MUC5B: variants seen among roughly 807,000 people sequenced by gnomAD.
The protein encoded by MUC5B is mucin-5B.
Under a neutral mutation model 376.9 loss-of-function variants are expected in MUC5B, and 116 were observed. The ratio of observed to expected loss-of-function variants is 0.31; its 90% CI spans 0.26 to 0.36. The LOEUF is 0.36. MUC5B is among the 10% of genes least tolerant of loss of function. The probability of loss-of-function intolerance (pLI) is 1.00; values close to 1 mark genes in which losing one functional copy is unlikely to be tolerated. For synonymous variants in MUC5B, 3,517 were observed against 3,390.9 expected (o/e 1.04, Z -1.29); for missense variants, 7,165 against 7,769.9 (o/e 0.92, Z 2.93).
At position 1,233,151 on chromosome 11, in the gene MUC5B, C is replaced by T. The variant is rs1419813298; in HGVS notation, c.2204C>T (p.Pro735Leu). Reference sequence around the variant, plus strand: ...GTGCCTGTGGACGGCTGCACCTGCCCCGCGGGCACCTTCCTCAATGACGCG... The same window carrying T: ...GTGCCTGTGGACGGCTGCACCTGCCTCGCGGGCACCTTCCTCAATGACGCG... ...SFVPVDGCTC[P>L]AGTFLNDAGA... Residue 735 changes from proline (P) to leucine (L), a missense_variant, in exon 18 of 49, where the codon CCC (proline) becomes CTC (leucine). Pro to Leu is a moderately conservative substitution (Grantham distance 98). This residue lies in a region of MUC5B where 530 missense variants were observed against 604.0 expected (regional missense o/e 0.88). Coordinates refer to ENST00000529681, the MANE Select transcript of MUC5B (RefSeq NM_002458.3). 1 of 1,606,680 alleles carries T rather than the reference C, an allele frequency of 6.2e-7. No individual in the cohort carries two copies. The highest frequency in any genetic ancestry group is 8.5e-7 in the Non-Finnish European group (1 of 1,179,376).
rs1240514869 is a variant in MUC5B at position 1,242,589 on chromosome 11, G to A, written c.5709G>A (p.Thr1903=). The A allele has an allele frequency of 3.1e-6, 5 of 1,612,510 alleles. No individual in the cohort carries two copies. The highest frequency in any genetic ancestry group is 4.5e-5 in the East Asian group (2 of 44,768). ...CCACGCCCTCCTCAACTCCGGGGAC[G>A]ACCTGGATCCTCACAAAGCCGACCA... ...STATPSSTPG[T]TWILTKPTTT... The change falls in exon 31 of 49, where the codon ACG becomes ACA. Residue 1903 remains threonine, a synonymous_variant. Transcript: ENST00000529681.
At chr11:1,229,977 C>G (rs917421541) in intron 10 of MUC5B, 28 bp from the exon 11 acceptor site, 1 of 1,572,396 alleles carries the variant, frequency 6.4e-7, no homozygotes, top group African/African-American at 1.3e-5. Flanking sequence ...CCCGACATGC[C>G]GGTTCTGCTC....
In MUC5B at chr11:1,225,661, C is replaced by T. The variant is rs2133803383; in HGVS notation, c.71-20C>T. ...AGCCACATCTAGTTCCTCACTGACT[C>T]CCATTCCCTCTTCCCACAGAGACCC... On this transcript the variant is annotated intron_variant, in intron 1 of 48. Coordinates refer to ENST00000529681, the MANE Select transcript of MUC5B (RefSeq NM_002458.3). 1.3e-6 allele frequency: 2 copies of T among 1,588,322 alleles called. No individual in the cohort carries two copies. Among genetic ancestry groups the T allele is most frequent in the East Asian group, 2.3e-5 (1 of 43,516 alleles).
chr11:1,227,494 G>T lies in MUC5B; in HGVS notation c.667+96G>T, dbSNP rs185919090. 2.3e-5 allele frequency: 22 copies of T among 973,076 alleles called. No homozygotes were observed. The South Asian group carries it at 3.1e-4, about 14-fold the overall frequency. 60.3% of individuals were successfully genotyped at this position (973,076 alleles called of 1,614,324 possible). On this transcript the variant is annotated intron_variant, in intron 6 of 48. Transcript: ENST00000529681. ...GCCGGGAGGGGGCGGAGTGGGGACC[G>T]GGCACCAGGCAGGGAGGGGCCACGA...
At position 1,242,680 on chromosome 11, in the gene MUC5B, C is replaced by T; in HGVS notation, c.5800C>T (p.Pro1934Ser). 6.4e-7 allele frequency: 1 copy of T among 1,561,552 alleles called. No homozygotes were observed. The highest frequency in any genetic ancestry group is 2.2e-5 in the East Asian group (1 of 44,880). ...CCCGACCTCCACCCTGAGAACAGCT[C>T]CCCCTCCCAAAGTGCTGACCACCAC... ...ATPTSTLRTA[P>S]PPKVLTTTAT... is the part of the protein sequence containing the mutation. The change falls in exon 31 of 49, where the codon CCC (proline) becomes TCC (serine). Residue 1934 changes from proline to serine, a missense_variant. Pro to Ser is a moderately conservative substitution (Grantham distance 74). Coordinates refer to ENST00000529681, the MANE Select transcript of MUC5B (RefSeq NM_002458.3).
chr11:1,236,932 T>C lies in MUC5B; in HGVS notation c.3065T>C (p.Val1022Ala), dbSNP rs1862170627. The change falls in exon 25 of 49, where the codon GTC becomes GCC. Residue 1022 changes from valine to alanine, a missense_variant. Physicochemically the swap from Val to Ala is moderately conservative, Grantham distance 64. Coordinates refer to ENST00000529681, the MANE Select transcript of MUC5B (RefSeq NM_002458.3). ...IRLHQDYKGR[V>A]CGLCGNFDDN... ...CTCTCGCTGCCTCTGCAGGGCAGGGTCTGCGGCCTGTGCGGGAACTTCGAC... is the reference window on the plus strand; with the variant it reads ...CTCTCGCTGCCTCTGCAGGGCAGGGCCTGCGGCCTGTGCGGGAACTTCGAC... 1.4e-6 allele frequency: 2 copies of C among 1,470,216 alleles called. No individual in the cohort carries two copies. The highest frequency in any genetic ancestry group is 1.4e-5 in the African/African-American group (1 of 70,840). The allele number at this position is 1,470,216 out of a possible 1,614,324, so 91.1% of individuals were successfully genotyped here.
chr11:1,229,731 C>T lies in MUC5B; in HGVS notation c.1144C>T (p.Leu382Phe), dbSNP rs903409184. ...CATCACGCACTCTGGCTGCCTGCCCCTCGGGCAGTGCCCCTGCACCCACGG... is the reference window on the plus strand; with the variant it reads ...CATCACGCACTCTGGCTGCCTGCCCTTCGGGCAGTGCCCCTGCACCCACGG... ...DDITHSGCLP[L>F]GQCPCTHGGR... Residue 382 changes from leucine to phenylalanine, a missense_variant, in exon 10 of 49, where the codon CTC becomes TTC. Around this residue, in one of 31 missense-constraint regions of MUC5B, gnomAD observed 640 missense variants for 733.0 expected, o/e 0.87. Transcript: ENST00000529681. The T allele has an allele frequency of 1.6e-5, 25 of 1,596,790 alleles. No individual in the cohort carries two copies. Among genetic ancestry groups the T allele is most frequent in the Non-Finnish European group, 2.0e-5 (24 of 1,174,254 alleles).
At chr11:1,256,320 G>T in intron 38 of MUC5B, 95 bp downstream of exon 38, 1 of 678,714 alleles carries the variant, frequency 1.5e-6, no homozygotes, top group East Asian at 2.7e-5. Flanking sequence ...CCCACTGTGG[G>T]CCACAGATCT....
Position 1,257,196 on chromosome 11 carries a change from G to A in MUC5B, c.16238-44G>A, listed in dbSNP as rs773581224. The stretch of plus-strand genomic sequence containing the variant: ...CCCATGGCCAGAGGCCCCTCCGCCT[G>A]CAAACTCAGCACCCTCCGTGATGCC... On this transcript the variant is annotated intron_variant, in intron 39 of 48. Transcript: ENST00000529681. The surrounding 1 kb of genome is among the most constrained non-coding windows in gnomAD (Gnocchi z 8.9). The A allele has an allele frequency of 7.7e-6, 6 of 779,492 alleles. No homozygotes were observed. Among genetic ancestry groups the A allele is most frequent in the South Asian group, 2.7e-5 (2 of 74,614 alleles). 48.3% of individuals were successfully genotyped at this position (779,492 alleles called of 1,614,324 possible).
rs371800081 is a variant in MUC5B at position 1,257,847 on chromosome 11, C to T, written c.16450+137C>T. 15 of 1,107,408 alleles carry T rather than the reference C, an allele frequency of 1.4e-5. No homozygotes were observed. Among genetic ancestry groups the T allele is most frequent in the South Asian group, 4.9e-5 (3 of 61,822 alleles). The allele number at this position is 1,107,408 out of a possible 1,614,324, so 68.6% of individuals were successfully genotyped here. The stretch of plus-strand genomic sequence containing the variant: ...CTGGCGTGACCGCGGCAGGACCACT[C>T]GGCAGAGATGGCCTCCAGGTGCTTC... On this transcript the variant is annotated intron_variant, in intron 41 of 48. Transcript: ENST00000529681. The surrounding 1 kb of genome is among the most constrained non-coding windows in gnomAD (Gnocchi z 8.9).
Position 1,243,685 on chromosome 11 carries a change from G to A in MUC5B, c.6805G>A (p.Gly2269Arg), listed in dbSNP as rs374141814. The change falls in exon 31 of 49, where the codon GGG becomes AGG. Residue 2269 changes from glycine (G) to arginine (R), a missense_variant. Transcript: ENST00000529681. ...AACCACCGAGTCACCCCCTTCTCCA[G>A]GGACGACCACCCCGGGCCACACCAC... Reference protein sequence around the residue: ...SRTTESPPSPGTTTPGHTTAT... With the variant: ...SRTTESPPSPRTTTPGHTTAT... The A allele has an allele frequency of 1.9e-6, 3 of 1,610,788 alleles. No homozygotes were observed. Among genetic ancestry groups the A allele is most frequent in the Non-Finnish European group, 2.5e-6 (3 of 1,179,442 alleles).
Position 1,253,973 on chromosome 11 carries a change from C to T in MUC5B, c.15218-119C>T. ...TTTTATAGACGAGGCAGCTGAGGCCCCAGGGGCTTCAGTGGCTCCCCAAGG... is the reference window on the plus strand; with the variant it reads ...TTTTATAGACGAGGCAGCTGAGGCCTCAGGGGCTTCAGTGGCTCCCCAAGG... On this transcript the variant is annotated intron_variant, in intron 33 of 48. Transcript: ENST00000529681. The surrounding 1 kb of genome is among the most constrained non-coding windows in gnomAD (Gnocchi z 4.3). The T allele has an allele frequency of 1.4e-6, 2 of 1,415,656 alleles. No individual in the cohort carries two copies. Among genetic ancestry groups the T allele is most frequent in the Non-Finnish European group, 1.9e-6 (2 of 1,055,148 alleles). 87.7% of individuals were successfully genotyped at this position (1,415,656 alleles called of 1,614,324 possible).
At chr11:1,231,355 C>T (rs933548579) in intron 13 of MUC5B, 68 bp from the exon 14 acceptor site, 22 of 1,520,242 alleles carry the variant, frequency 1.4e-5, no homozygotes, top group Middle Eastern at 3.5e-4. Context: ...ACTGGATGCC[C>T]TGCCCCTCCA....
In MUC5B at chr11:1,240,356, G is replaced by T; in HGVS notation, c.3951G>T (p.Trp1317Cys). The change falls in exon 30 of 49, where the codon TGG becomes TGT. Residue 1317 changes from tryptophan to cysteine, a missense_variant. Trp to Cys is a radical substitution (Grantham distance 215). Around this residue, in one of 31 missense-constraint regions of MUC5B, gnomAD observed 517 missense variants for 545.3 expected, o/e 0.95. Coordinates refer to ENST00000529681, the MANE Select transcript of MUC5B (RefSeq NM_002458.3). ...ATTPFTFTTA[W>C]VPHSTTSPAL... ...CGCCATTCACCTTCACCACCGCCTG[G>T]GTCCCCCACTCCACGACAAGTAAGC... is the stretch of plus-strand genomic sequence containing the variant. 1 of 1,602,034 alleles carries T rather than the reference G, an allele frequency of 6.2e-7. No homozygotes were observed. The highest frequency in any genetic ancestry group is 8.5e-7 in the Non-Finnish European group (1 of 1,171,602).
Position 1,234,370 on chromosome 11 carries a change from C to T in MUC5B, c.2478+65C>T. On this transcript the variant is annotated intron_variant, in intron 20 of 48. Coordinates refer to ENST00000529681, the MANE Select transcript of MUC5B (RefSeq NM_002458.3). This position sits in a 1 kb window ranked among gnomAD's most constrained non-coding sequence, Gnocchi z 6.3. ...GTCCCAGCTTTCCCAGCTCCCGAGC[C>T]CAGGGATCTGGTGGTCCTGGAGACA... 6.6e-7 allele frequency: 1 copy of T among 1,523,154 alleles called. No homozygotes were observed. 94.4% of individuals were successfully genotyped at this position (1,523,154 alleles called of 1,614,324 possible).
At position 1,248,781 on chromosome 11, in the gene MUC5B, A is replaced by T. The variant is rs546206965; in HGVS notation, c.11901A>T (p.Pro3967=). 21 of 1,548,206 alleles carry T rather than the reference A, an allele frequency of 1.4e-5. No homozygotes were observed. The highest frequency in any genetic ancestry group is 5.6e-5 in the African/African-American group (4 of 71,928). The change falls in exon 31 of 49, where the codon CCA becomes CCT. Residue 3967 remains proline, a synonymous_variant. Transcript: ENST00000529681. The part of the protein sequence containing the change: ...TGSTTNPSST[P]GTTPIPPVLT... The stretch of plus-strand genomic sequence containing the variant: ...CCACCACCAACCCCTCCTCAACTCC[A>T]GGGACAACACCTATCCCCCCAGTGC...
Position 1,235,424 on chromosome 11 carries a change from C to T in MUC5B, c.2880+11C>T. On this transcript the variant is annotated intron_variant, in intron 23 of 48. Coordinates refer to ENST00000529681, the MANE Select transcript of MUC5B (RefSeq NM_002458.3). ...AAGCTCTTCGTGGAGGTGAGAACGG[C>T]CCCAGCTGTGAGCACCCCCGACCCT... 1 of 1,607,364 alleles carries T rather than the reference C, an allele frequency of 6.2e-7. No homozygotes were observed. Among genetic ancestry groups the T allele is most frequent in the Non-Finnish European group, 8.5e-7 (1 of 1,177,070 alleles).
In MUC5B at chr11:1,257,916, G is replaced by A. The variant is rs1862885580; in HGVS notation, c.16451-183G>A. Among the ~76,000 whole-genome samples, 1 of 152,216 alleles carries A rather than the reference G, an allele frequency of 6.6e-6. No individual in the cohort carries two copies. Among genetic ancestry groups the A allele is most frequent in the Non-Finnish European group, 1.5e-5 (1 of 68,024 alleles). On this transcript the variant is annotated intron_variant, in intron 41 of 48. Coordinates refer to ENST00000529681, the MANE Select transcript of MUC5B (RefSeq NM_002458.3). This position sits in a 1 kb window ranked among gnomAD's most constrained non-coding sequence, Gnocchi z 8.9. Reference sequence around the variant, plus strand: ...AGGCTGGTGACCTCTGGCCTGCCCAGGAGTGGCCCAGGGACGTGGGAAGCA... The same window carrying A: ...AGGCTGGTGACCTCTGGCCTGCCCAAGAGTGGCCCAGGGACGTGGGAAGCA...
In MUC5B at chr11:1,251,348, C is replaced by T; in HGVS notation, c.14468C>T (p.Thr4823Ile). The change falls in exon 31 of 49, where the codon ACC (threonine) becomes ATC (isoleucine). Residue 4823 changes from threonine (T) to isoleucine (I), a missense_variant. This residue lies in a region of MUC5B where 730 missense variants were observed against 592.7 expected (regional missense o/e 1.23). Coordinates refer to ENST00000529681, the MANE Select transcript of MUC5B (RefSeq NM_002458.3). Reference sequence around the variant, plus strand: ...ACGACCCGGATCCTCACTGAGCTGACCACAACAGCCACTACAACTGCAGCC... The same window carrying T: ...ACGACCCGGATCCTCACTGAGCTGATCACAACAGCCACTACAACTGCAGCC... ...LGTTRILTEL[T>I]TTATTTAATG... is the part of the protein sequence containing the mutation. The T allele has an allele frequency of 7.5e-6, 12 of 1,608,644 alleles. No homozygotes were observed. Among genetic ancestry groups the T allele is most frequent in the Non-Finnish European group, 1.0e-5 (12 of 1,176,844 alleles).
Sources: allele counts gnomAD v4.1 joint callset (sites outside exome capture counted in the v4.1 genomes callset), GRCh38; gene constraint gnomAD v4.1.1; regional missense constraint gnomAD v4.1.1; non-coding constraint Gnocchi (gnomAD v3.1); transcripts MANE v1.5; gene names NCBI Gene and HGNC (gene_info 2026-07-23, HGNC 2026-07-21).